The following SCOC variants were observed in gnomAD, a reference collection of about 807,000 sequenced individuals.
SCOC encodes short coiled coil protein.
A neutral mutation model predicts 9.9 loss-of-function variants in SCOC; 7 were observed. That is an observed-to-expected ratio of 0.71 (90% CI 0.40 to 1.33). The LOEUF is 1.33. Ranked by LOEUF, SCOC falls within the 40% of genes most tolerant of loss-of-function variation. SCOC has a pLI of 0.01. For synonymous variants in SCOC, 19 were observed against 28.2 expected, an observed-to-expected ratio of 0.67 and a Z score of 1.03; for missense variants, 66 against 89.7, an observed-to-expected ratio of 0.74 and a Z score of 1.07.
At chr4:140,367,949 A>G (rs568831489) in intron 2 of SCOC, among the ~76,000 whole-genome samples, 1 of 152,350 alleles carries the variant, frequency 6.6e-6, no homozygotes, top group East Asian at 1.9e-4. Context: ...GTTGTTTGAT[A>G]AAGTTCTTAA....
chr4:140,337,626 C>T (rs1176887690), intron 1 of SCOC, among the ~76,000 whole-genome samples: 2 of 152,084 alleles, frequency 1.3e-5, no homozygotes, highest in African/African-American at 4.8e-5. Flanking sequence ...GATATCACCA[C>T]CGATCCCACA....
chr4:140,263,910 C>CT lies in SCOC; in HGVS notation c.-19+6505dup, dbSNP rs535907792. Among the ~76,000 whole-genome samples, 11 of 152,254 alleles carry CT rather than the reference C, an allele frequency of 7.2e-5. No homozygotes were observed. The South Asian group carries it at 2.3e-3, about 32-fold the overall frequency. On this transcript the variant is annotated intron_variant, in intron 1 of 4. Coordinates refer to the SCOC transcript ENST00000394205. ...GAGTCTTCTGGGATTGTCTGGAGGTCTTTTTCATCTTGTCAGAACCTAGAC... is the reference window on the plus strand; with the variant it reads ...GAGTCTTCTGGGATTGTCTGGAGGTCTTTTTTCATCTTGTCAGAACCTAGAC...
intron 2 of SCOC, 81 bp downstream of exon 2, chr4:140,379,273 A>C (rs1728472415): frequency 1.0e-6 from 1 of 953,484 alleles, no homozygotes; most frequent in Admixed American, 1.8e-5. Context: ...AGGGCAGAGA[A>C]ACCATGTTTA....
intron 1 of SCOC, chr4:140,374,387 G>T (rs1210690858): frequency 3.2e-6 from 1 of 315,150 alleles, no homozygotes; most frequent in African/African-American, 2.3e-5. Context: ...GCCATTCCAG[G>T]TTGCCAACAC....
At chr4:140,302,470 T>G (rs1397623409) in intron 1 of SCOC, among the ~76,000 whole-genome samples, 1 of 152,198 alleles carries the variant, frequency 6.6e-6, no homozygotes, top group Non-Finnish European at 1.5e-5. Flanking sequence ...TCTGGAATTA[T>G]GGATTTGATT....
chr4:140,371,061 AT>A (rs1307896419), upstream of SCOC, among the ~76,000 whole-genome samples: 1 of 151,642 alleles, frequency 6.6e-6, no homozygotes, highest in African/African-American at 2.4e-5. Flanking sequence ...AATTTTTTGT[AT>A]TTTTAGTAGA....
intron 1 of SCOC, among the ~76,000 whole-genome samples, chr4:140,261,942 T>A (rs920832366): frequency 7.2e-5 from 11 of 152,202 alleles, no homozygotes; most frequent in South Asian, 6.2e-4. Context: ...GTCAAAAGAG[T>A]GCAGCAGGCC....
chr4:140,324,053 A>G (rs1212187294), intron 1 of SCOC, among the ~76,000 whole-genome samples: 5 of 152,212 alleles, frequency 3.3e-5, no homozygotes, highest in African/African-American at 1.2e-4. Flanking sequence ...GATCCCAGGA[A>G]AGAAAATCAG....
At position 140,381,577 on chromosome 4, in the gene SCOC, G is replaced by T. The variant is rs1728575072; in HGVS notation, c.*473G>T. The T allele has an allele frequency of 1.3e-5, 2 of 152,382 alleles. No homozygotes were observed. Among genetic ancestry groups the T allele is most frequent in the Non-Finnish European group, 2.9e-5 (2 of 68,154 alleles). 9.4% of individuals were successfully genotyped at this position (152,382 alleles called of 1,614,324 possible). Reference sequence around the variant, plus strand: ...AAAAATTGGTGTCACATTTGTAAAAGTAATTTTAATAGTTAATCATCTCTG... The same window carrying T: ...AAAAATTGGTGTCACATTTGTAAAATTAATTTTAATAGTTAATCATCTCTG... On this transcript the variant is annotated 3_prime_UTR_variant, in exon 4 of 4. Transcript: ENST00000608372.
intron 1 of SCOC, among the ~76,000 whole-genome samples, chr4:140,276,954 C>T (rs955985685): frequency 6.6e-6 from 1 of 152,160 alleles, no homozygotes; most frequent in Admixed American, 6.5e-5. Context: ...TAATATTACT[C>T]TCTCTCCTCA....
intron 2 of SCOC, among the ~76,000 whole-genome samples, chr4:140,354,145 A>G (rs550097058): frequency 3.4e-4 from 52 of 152,300 alleles, no homozygotes; most frequent in Non-Finnish European, 5.4e-4. Flanking sequence ...TTTTGCTTTC[A>G]TCTTCATTTG....
At chr4:140,257,496 G>T (rs1730535777) in intron 1 of SCOC, 1 of 152,096 alleles carries the variant, frequency 6.6e-6, no homozygotes, top group Non-Finnish European at 1.5e-5. Flanking sequence ...GGGAGGTTTG[G>T]GCCTAGGGGA....
intron 1 of SCOC, among the ~76,000 whole-genome samples, chr4:140,336,218 T>C (rs912668255): frequency 2.0e-5 from 3 of 152,230 alleles, no homozygotes; most frequent in Non-Finnish European, 4.4e-5. Context: ...ATTTTAAAGT[T>C]GGTATAAAAT....
chr4:140,379,683 G>A, intron 3 of SCOC, 31 bp downstream of exon 3: 1 of 1,472,704 alleles, frequency 6.8e-7, no homozygotes, highest in Non-Finnish European at 9.4e-7. Flanking sequence ...TTATTTGAAT[G>A]ACAGCCAATT....
upstream of SCOC, among the ~76,000 whole-genome samples, chr4:140,369,765 G>T (rs754318506): frequency 6.6e-6 from 1 of 150,934 alleles, no homozygotes; most frequent in African/African-American, 2.4e-5. Context: ...CATAGTCCAG[G>T]TCGCATGAAT....
chr4:140,289,586 C>T (rs528642262), intron 1 of SCOC, among the ~76,000 whole-genome samples: 4 of 152,282 alleles, frequency 2.6e-5, no homozygotes, highest in African/African-American at 9.6e-5. Flanking sequence ...GAGATTGGTA[C>T]CCATACCTGT....
chr4:140,360,446 G>A (rs1246504309), intron 2 of SCOC, among the ~76,000 whole-genome samples: 1 of 152,174 alleles, frequency 6.6e-6, no homozygotes, highest in Non-Finnish European at 1.5e-5. Context: ...TCTAGGTGAT[G>A]TTCCCAGTGT....
At chr4:140,347,217 T>C (rs1303018679) in intron 2 of SCOC, among the ~76,000 whole-genome samples, 1 of 152,196 alleles carries the variant, frequency 6.6e-6, no homozygotes, top group Non-Finnish European at 1.5e-5. Flanking sequence ...ATAAGATGTT[T>C]GGATCTAAAC....
intron 1 of SCOC, among the ~76,000 whole-genome samples, chr4:140,323,636 A>G: frequency 6.6e-6 from 1 of 152,214 alleles, no homozygotes. Context: ...CAATTTAGAT[A>G]AAATGAAACA....
Sources: gnomAD v4.1 joint callset for allele counts (sites outside exome capture counted in the v4.1 genomes callset) on GRCh38, gnomAD v4.1.1 for gene constraint, MANE v1.5 for transcripts, NCBI Gene and HGNC (gene_info 2026-07-23, HGNC 2026-07-21) for gene names.